PAX3: variants seen among roughly 807,000 people sequenced by gnomAD.
PAX3 encodes the protein paired box protein Pax-3.
In PAX3, 14 loss-of-function variants were observed where a neutral mutation model predicts 51.6. That is an observed-to-expected ratio of 0.27 (90% CI 0.18 to 0.42). The LOEUF (loss-of-function observed/expected upper bound fraction) is 0.42, where lower values mean the gene tolerates loss of function less well. PAX3 is among the 10% of genes least tolerant of loss of function. The probability of loss-of-function intolerance (pLI) is 1.00; values close to 1 mark genes in which losing one functional copy is unlikely to be tolerated. For missense variants in PAX3, 540 were observed against 642.8 expected (o/e 0.84, Z 1.73); for synonymous variants, 280 against 253.4 (o/e 1.11, Z -1.00).
intron 7 of PAX3, 89 bp from the exon 8 acceptor site, chr2:222,202,279 T>C: frequency 9.8e-7 from 1 of 1,022,306 alleles, no homozygotes; most frequent in Non-Finnish European, 1.5e-6. Context: ...GACAGTCCAG[T>C]TTTTATTTCT....
At chr2:222,270,978 C>T (rs1694231986) in intron 4 of PAX3, among the ~76,000 whole-genome samples, 2 of 152,220 alleles carry the variant, frequency 1.3e-5, no homozygotes, top group South Asian at 2.1e-4. Context: ...AATCAATCAG[C>T]TACCAAACCT....
intron 4 of PAX3, 92 bp downstream of exon 4, chr2:222,294,075 C>G: frequency 6.3e-7 from 1 of 1,593,094 alleles, no homozygotes; most frequent in South Asian, 1.1e-5. Flanking sequence ...TTGATCCGAG[C>G]TGGGCTTGGC....
chr2:222,275,931 A>T (rs1011950699), intron 4 of PAX3, among the ~76,000 whole-genome samples: 1 of 152,234 alleles, frequency 6.6e-6, no homozygotes, highest in African/African-American at 2.4e-5. Context: ...TGCCCCAATC[A>T]GTTGGGACAA....
At chr2:222,294,821 TTTTA>T (rs1695206805) in intron 3 of PAX3, among the ~76,000 whole-genome samples, 1 of 146,900 alleles carries the variant, frequency 6.8e-6, no homozygotes, top group African/African-American at 2.5e-5. Context: ...TTTTTTTTTT[TTTTA>T]AGGCTATAAA....
At chr2:222,224,111 T>G (rs1433453422) in intron 5 of PAX3, among the ~76,000 whole-genome samples, 6 of 152,236 alleles carry the variant, frequency 3.9e-5, no homozygotes, top group Non-Finnish European at 8.8e-5. Context: ...TTTGTTTTCA[T>G]ATTTTCTAAA....
intron 7 of PAX3, among the ~76,000 whole-genome samples, chr2:222,215,346 T>G (rs537865643): frequency 2.6e-5 from 4 of 152,152 alleles, no homozygotes; most frequent in Non-Finnish European, 5.9e-5. Context: ...TGATGAACCC[T>G]AAATGCAGCC....
chr2:222,294,203 C>T lies in PAX3; in HGVS notation c.550G>A (p.Ala184Thr), dbSNP rs760803903. ...AGGATGCCGTCGATGCTGTGTTTGG[C>T]CTTCTTCTCGCTTTCCTCTGCCTCC... ...RKEAEESEKK[A>T]KHSIDGILSE... Residue 184 changes from alanine to threonine, a missense_variant, in exon 4 of 9, where the codon GCC becomes ACC. Ala to Thr is a moderately conservative substitution (Grantham distance 58). Coordinates refer to ENST00000392070, the MANE Select transcript of PAX3 (RefSeq NM_181458.4). 6 of 1,614,244 alleles carry T rather than the reference C, an allele frequency of 3.7e-6. No homozygotes were observed. The South Asian group carries it at 6.6e-5, about 18-fold the overall frequency.
At position 222,295,535 on chromosome 2, in the gene PAX3, C is replaced by A. The variant is rs199996447; in HGVS notation, c.444G>T (p.Val148=). Residue 148 remains valine (V), a synonymous_variant, in exon 3 of 9, where the codon GTG becomes GTT. Transcript: ENST00000392070. ...LKDAVCDRNT[V]PSVSSISRIL... ...GGTTAATGGGCCTAGTACCTGACGG[C>A]ACGGTGTTTCGATCACAGACCGCGT... is the stretch of plus-strand genomic sequence containing the variant. The A allele has an allele frequency of 2.5e-5, 40 of 1,614,234 alleles. No individual in the cohort carries two copies. In the East Asian group the frequency reaches 3.3e-4, roughly 13 times the overall value.
intron 7 of PAX3, among the ~76,000 whole-genome samples, chr2:222,216,498 G>C (rs1691963909): frequency 6.6e-6 from 1 of 152,142 alleles, no homozygotes; most frequent in Non-Finnish European, 1.5e-5. Flanking sequence ...TCAGTCCATT[G>C]CCAAGCTCTG....
chr2:222,214,855 T>A (rs1027165780), intron 7 of PAX3: 1 of 151,832 alleles, frequency 6.6e-6, no homozygotes, highest in African/African-American at 2.4e-5. Flanking sequence ...GTTCTTACCA[T>A]GGGGATTTAT....
intron 4 of PAX3, among the ~76,000 whole-genome samples, chr2:222,247,417 T>C (rs938811680): frequency 6.6e-6 from 1 of 152,202 alleles, no homozygotes; most frequent in African/African-American, 2.4e-5. Flanking sequence ...GAGACGTTCA[T>C]GTTTTGTGCT....
chr2:222,298,029 T>A (rs1284753659), intron 1 of PAX3: 1 of 156,174 alleles, frequency 6.4e-6, no homozygotes, highest in Non-Finnish European at 1.4e-5. Context: ...TTGAGATACA[T>A]AGAATTCTAA....
intron 4 of PAX3, among the ~76,000 whole-genome samples, chr2:222,246,738 G>A (rs923749769): frequency 1.3e-5 from 2 of 152,132 alleles, no homozygotes; most frequent in African/African-American, 4.8e-5. Flanking sequence ...CATTAAAAAG[G>A]TAAATAAAAC....
intron 5 of PAX3, among the ~76,000 whole-genome samples, chr2:222,227,114 G>A (rs1692413422): frequency 6.6e-6 from 1 of 152,144 alleles, no homozygotes; most frequent in African/African-American, 2.4e-5. Flanking sequence ...GCAAGATTAA[G>A]TAACTTGCTC....
chr2:222,267,872 G>T (rs1028460857), intron 4 of PAX3, among the ~76,000 whole-genome samples: 1 of 152,116 alleles, frequency 6.6e-6, no homozygotes, highest in Non-Finnish European at 1.5e-5. Context: ...TATTATATAC[G>T]ACTTACCCTG....
chr2:222,256,251 G>C (rs1384786760), intron 4 of PAX3, among the ~76,000 whole-genome samples: 1 of 152,004 alleles, frequency 6.6e-6, no homozygotes, highest in Admixed American at 6.6e-5. Flanking sequence ...TCCTTGTAAG[G>C]GTTTTCAGAA....
intron 4 of PAX3, among the ~76,000 whole-genome samples, chr2:222,257,486 T>C (rs867078842): frequency 3.9e-5 from 6 of 152,204 alleles, no homozygotes; most frequent in African/African-American, 1.2e-4. Flanking sequence ...TGTTTTGCCA[T>C]GCTAATTATT....
At chr2:222,229,800 C>T (rs1161918024) in intron 5 of PAX3, among the ~76,000 whole-genome samples, 1 of 152,198 alleles carries the variant, frequency 6.6e-6, no homozygotes, top group African/African-American at 2.4e-5. Context: ...CCTCTCTGTG[C>T]CTCTGCTCAT....
At chr2:222,264,833 C>T (rs1693986167) in intron 4 of PAX3, 1 of 152,228 alleles carries the variant, frequency 6.6e-6, no homozygotes, top group South Asian at 2.1e-4. Flanking sequence ...GACAGGACCT[C>T]TTGTCTTCAA....
Sources: allele counts gnomAD v4.1 joint callset (sites outside exome capture counted in the v4.1 genomes callset), GRCh38; gene constraint gnomAD v4.1.1; transcripts MANE v1.5; gene names NCBI Gene and HGNC (gene_info 2026-07-23, HGNC 2026-07-21).